Variants in DYNLL1 observed in about 807,000 individuals in gnomAD.
The protein encoded by DYNLL1 is dynein light chain 1, cytoplasmic.
DYNLL1 carries 3 observed loss-of-function variants against 10.1 expected under a neutral mutation model. The ratio of observed to expected loss-of-function variants is 0.30; its 90% CI spans 0.14 to 0.77. DYNLL1 has a LOEUF of 0.77. Among genes scored for constraint, DYNLL1 ranks in the 30% least tolerant of loss-of-function variants. DYNLL1 has a pLI of 0.66. For synonymous variants in DYNLL1, 46 were observed against 41.2 expected, an observed-to-expected ratio of 1.12 and a Z score of -0.45; for missense variants, 47 against 111.7, an observed-to-expected ratio of 0.42 and a Z score of 2.61.
At chr12:120,477,796 A>G (rs762140274) in intron 1 of DYNLL1, among the ~76,000 whole-genome samples, 20 of 151,428 alleles carry the variant, frequency 1.3e-4, no homozygotes, top group Non-Finnish European at 2.1e-4. Flanking sequence ...GTAAAAATAT[A>G]TATATATTTT....
chr12:120,470,785 C>T (rs1878630958), intron 1 of DYNLL1, among the ~76,000 whole-genome samples: 1 of 151,904 alleles, frequency 6.6e-6, no homozygotes, highest in African/African-American at 2.4e-5. Flanking sequence ...TGGCTCACGC[C>T]TGTAATCCCA....
intron 1 of DYNLL1, among the ~76,000 whole-genome samples, chr12:120,480,202 A>C (rs898930126): frequency 1.3e-5 from 2 of 152,232 alleles, no homozygotes; most frequent in African/African-American, 4.8e-5. Context: ...TGGTTCCCCC[A>C]AAATTAGAGG....
upstream of DYNLL1, chr12:120,496,050 G>T: frequency 2.8e-6 from 1 of 362,648 alleles, no homozygotes; most frequent in South Asian, 3.0e-5. Flanking sequence ...GGCGAGGGGC[G>T]GGGCCGGCGG....
At chr12:120,496,917 G>T in intron 2 of DYNLL1, 1 of 257,576 alleles carries the variant, frequency 3.9e-6, no homozygotes, top group Non-Finnish European at 7.5e-6. Context: ...GCCGGGAGGA[G>T]ATCTTGCCAG....
In DYNLL1 at chr12:120,485,251, C is replaced by CT. The variant is rs34043402; in HGVS notation, c.-6-11142dup. 8.7e-3 allele frequency among the ~76,000 whole-genome samples: 668 copies of CT among 76,824 alleles called. 9 individuals are homozygous for CT. The highest frequency in any genetic ancestry group is 0.025 in the South Asian group (43 of 1,692). The allele number at this position is 76,824 out of a possible 152,430, so 50.4% of individuals were successfully genotyped here. Reference sequence around the variant, plus strand: ...AAGTAAATAGTTATGTTGTAGAAGGCTTTTTTTTTTTTTTTTTTTTTTTGA... The same window carrying CT: ...AAGTAAATAGTTATGTTGTAGAAGGCTTTTTTTTTTTTTTTTTTTTTTTTGA... On this transcript the variant is annotated intron_variant, in intron 1 of 2. Transcript: ENST00000392509.
chr12:120,481,840 A>T (rs1878885265), intron 1 of DYNLL1, among the ~76,000 whole-genome samples: 3 of 152,070 alleles, frequency 2.0e-5, no homozygotes, highest in African/African-American at 7.2e-5. Context: ...AAATGATTAA[A>T]TTTTGTCTTC....
intron 1 of DYNLL1, 56 bp downstream of exon 1, chr12:120,496,272 G>T: frequency 3.2e-6 from 4 of 1,256,442 alleles, no homozygotes; most frequent in Non-Finnish European, 4.4e-6. Context: ...GCCCCACTCC[G>T]GACTTAGCCC....
chr12:120,477,890 G>A (rs890495592), intron 1 of DYNLL1, among the ~76,000 whole-genome samples: 9 of 151,980 alleles, frequency 5.9e-5, no homozygotes, highest in Admixed American at 5.9e-4. Context: ...TCCGCCTCCT[G>A]GGTTCAAGTG....
chr12:120,485,839 TAAAAAAAAAAAAA>T (rs749971979), intron 1 of DYNLL1, among the ~76,000 whole-genome samples: 1 of 76,246 alleles, frequency 1.3e-5, no homozygotes. Context: ...AGTCCCTGTC[TAAAAAAAAAAAAA>T]AAAAAAAAAA....
At chr12:120,475,387 T>C (rs935394763) in intron 1 of DYNLL1, among the ~76,000 whole-genome samples, 26 of 152,214 alleles carry the variant, frequency 1.7e-4, no homozygotes, top group Admixed American at 1.7e-3. Flanking sequence ...CTTGGATTAA[T>C]GGGCTTCTGG....
chr12:120,488,678 G>A (rs550876), intron 1 of DYNLL1: 31,564 of 152,204 alleles, frequency 0.21, 3,643 homozygotes, highest in African/African-American at 0.3. Context: ...TTGGGAGGCC[G>A]AGGCGGGTGG....
chr12:120,486,431 C>T (rs1259796315), intron 1 of DYNLL1, among the ~76,000 whole-genome samples: 1 of 152,094 alleles, frequency 6.6e-6, no homozygotes, highest in Non-Finnish European at 1.5e-5. Context: ...GCATTCCCCT[C>T]TCTGTCCCCT....
chr12:120,478,960 C>T (rs538188593), intron 1 of DYNLL1, among the ~76,000 whole-genome samples: 17 of 147,654 alleles, frequency 1.2e-4, no homozygotes, highest in Admixed American at 3.4e-4. Context: ...GCTGGGATTA[C>T]AGGCGTGAGC....
At chr12:120,485,534 A>C (rs1384016206) in intron 1 of DYNLL1, among the ~76,000 whole-genome samples, 1 of 151,984 alleles carries the variant, frequency 6.6e-6, no homozygotes, top group Non-Finnish European at 1.5e-5. Context: ...GATTACGAAA[A>C]GCAGGTAACA....
At position 120,497,318 on chromosome 12, in the gene DYNLL1, CA is replaced by C. The variant is rs539236854; in HGVS notation, c.133-754del. On this transcript the variant is annotated intron_variant, in intron 2 of 2. Coordinates refer to ENST00000242577, the MANE Select transcript of DYNLL1 (RefSeq NM_003746.3). ...ATAACCGTTGCCACCCAATGCCCCCCACAGGCATTCTACTCCCCAGTACCTC... is the reference window on the plus strand; with the variant it reads ...ATAACCGTTGCCACCCAATGCCCCCCCAGGCATTCTACTCCCCAGTACCTC... The C allele has an allele frequency of 3.9e-5, 6 of 153,352 alleles. No homozygotes were observed. The East Asian group carries it at 7.7e-4, about 20-fold the overall frequency. The allele number at this position is 153,352 out of a possible 1,614,324, so 9.5% of individuals were successfully genotyped here.
In DYNLL1 at chr12:120,496,119, G is replaced by T. The variant is rs570039998; in HGVS notation, c.-104G>T. ...GGCTGGCGTGGGGCTGCTTAGATGC[G>T]CCACGGTTTCGGTAGCGACGGTATC... On this transcript the variant is annotated 5_prime_UTR_variant, in exon 1 of 3. Transcript: ENST00000242577. 445 of 493,978 alleles carry T rather than the reference G, an allele frequency of 9.0e-4. 2 individuals carry two copies. The highest frequency in any genetic ancestry group is 8.3e-3 in the African/African-American group (430 of 51,528). The allele number at this position is 493,978 out of a possible 1,614,324, so 30.6% of individuals were successfully genotyped here. A position where few individuals can be genotyped will look rare whatever the true frequency, so the allele number is the denominator to read the frequency against.
chr12:120,474,126 C>T (rs528041525), intron 1 of DYNLL1, among the ~76,000 whole-genome samples: 18 of 151,970 alleles, frequency 1.2e-4, no homozygotes, highest in African/African-American at 4.1e-4. Flanking sequence ...ATGTTAAAAC[C>T]CCGTCTCTAC....
chr12:120,473,770 G>A (rs538044930), intron 1 of DYNLL1, among the ~76,000 whole-genome samples: 5 of 150,930 alleles, frequency 3.3e-5, no homozygotes, highest in Non-Finnish European at 7.4e-5. Flanking sequence ...ACTTGATCTC[G>A]AACTCTTGAG....
chr12:120,487,891 G>C (rs1038531775), intron 1 of DYNLL1, among the ~76,000 whole-genome samples: 1 of 152,106 alleles, frequency 6.6e-6, no homozygotes, highest in Non-Finnish European at 1.5e-5. Flanking sequence ...ACAGAGAATA[G>C]GAATCTATAA....
Sources: allele counts gnomAD v4.1 joint callset (sites outside exome capture counted in the v4.1 genomes callset), GRCh38; gene constraint gnomAD v4.1.1; transcripts MANE v1.5; gene names NCBI Gene and HGNC (gene_info 2026-07-23, HGNC 2026-07-21).